Variants in HCN1 observed in about 807,000 individuals in gnomAD.
HCN1 encodes potassium/sodium hyperpolarization-activated cyclic nucleotide-gated channel 1.
A neutral mutation model predicts 78.9 loss-of-function variants in HCN1; 13 were observed. The ratio of observed to expected loss-of-function variants is 0.16; its 90% CI spans 0.11 to 0.26. The LOEUF (loss-of-function observed/expected upper bound fraction) is 0.26, where lower values mean the gene tolerates loss of function less well. Ranked by LOEUF, HCN1 falls within the 10% of genes least tolerant of loss-of-function variation. The pLI is 1.00. For synonymous variants in HCN1, 552 were observed against 455.5 expected, an observed-to-expected ratio of 1.21 and a Z score of -2.70; for missense variants, 810 against 1,154.3, an observed-to-expected ratio of 0.70 and a Z score of 4.32.
intron 1 of HCN1, among the ~76,000 whole-genome samples, chr5:45,663,713 A>C (rs1224670568): frequency 5.3e-4 from 81 of 152,218 alleles, no homozygotes; most frequent in Middle Eastern, 3.4e-3. Flanking sequence ...AAAAATGCTC[A>C]TCATCACTGG....
intron 3 of HCN1, among the ~76,000 whole-genome samples, chr5:45,446,570 T>C (rs1579900519): frequency 6.6e-6 from 1 of 151,988 alleles, no homozygotes; most frequent in African/African-American, 2.4e-5. Flanking sequence ...AGAGCAACTC[T>C]AAGACATATA....
At position 45,442,695 on chromosome 5, in the gene HCN1, A is replaced by G. The variant is rs536451859; in HGVS notation, c.1011+19151T>C. On this transcript the variant is annotated intron_variant, in intron 3 of 7. Coordinates refer to ENST00000303230, the MANE Select transcript of HCN1 (RefSeq NM_021072.4). Reference sequence around the variant, plus strand: ...GGTATCATTAGGCATACATTTCCACATGATAATCATTAGATAAAACTGAGA... The same window carrying G: ...GGTATCATTAGGCATACATTTCCACGTGATAATCATTAGATAAAACTGAGA... Among the ~76,000 whole-genome samples the G allele has an allele frequency of 3.9e-5, 6 of 152,126 alleles. 1 individual carries two copies. The highest frequency in any genetic ancestry group is 1.4e-4 in the African/African-American group (6 of 41,552).
chr5:45,555,114 T>A (rs1207282739), intron 2 of HCN1, among the ~76,000 whole-genome samples: 1 of 151,884 alleles, frequency 6.6e-6, no homozygotes, highest in Non-Finnish European at 1.5e-5. Flanking sequence ...TTATTCTTAT[T>A]TGTAGATTAT....
intron 7 of HCN1, among the ~76,000 whole-genome samples, chr5:45,265,236 T>C (rs1744833938): frequency 1.3e-5 from 2 of 152,060 alleles, no homozygotes. Flanking sequence ...AAAGTGAAGC[T>C]GTATCAGATT....
At chr5:45,369,224 C>T (rs983776077) in intron 4 of HCN1, among the ~76,000 whole-genome samples, 1 of 151,408 alleles carries the variant, frequency 6.6e-6, no homozygotes, top group African/African-American at 2.4e-5. Flanking sequence ...TTTACCTGTT[C>T]ACTTCTATTG....
intron 2 of HCN1, among the ~76,000 whole-genome samples, chr5:45,606,924 C>T (rs1343502392): frequency 4.0e-5 from 6 of 151,760 alleles, no homozygotes. Context: ...GAAAGACAAT[C>T]TTTAAGGCTC....
At chr5:45,343,418 T>C (rs1252582705) in intron 5 of HCN1, among the ~76,000 whole-genome samples, 2 of 152,164 alleles carry the variant, frequency 1.3e-5, no homozygotes, top group African/African-American at 4.8e-5. Context: ...AAATAGTCTA[T>C]GTGAGATGCT....
chr5:45,262,350 TGGCTGAGTCTGCGGC>T lies in HCN1; in HGVS notation c.2229_2243del (p.Pro744_Pro748del). On this transcript the variant is annotated inframe_deletion, in exon 8 of 8. Transcript: ENST00000303230. ...TCTGTGGCTGCGGGGACGGCTGCTG[TGGCTGAGTCTGCGGC>T]GGCTGGGACTGCTGTACCTGCTGCT... 6.2e-7 allele frequency: 1 copy of T among 1,613,062 alleles called. No homozygotes were observed. Among genetic ancestry groups the T allele is most frequent in the Non-Finnish European group, 8.5e-7 (1 of 1,179,808 alleles).
chr5:45,655,763 T>A (rs1421241212), intron 1 of HCN1, among the ~76,000 whole-genome samples: 1 of 152,086 alleles, frequency 6.6e-6, no homozygotes, highest in Non-Finnish European at 1.5e-5. Context: ...GCATGCAACT[T>A]CTAAACAGAG....
chr5:45,379,148 G>T (rs544392000), intron 4 of HCN1, among the ~76,000 whole-genome samples: 6 of 152,166 alleles, frequency 3.9e-5, no homozygotes, highest in Non-Finnish European at 8.8e-5. Flanking sequence ...ATAATGGGAT[G>T]GTTCGGTCAA....
intron 2 of HCN1, among the ~76,000 whole-genome samples, chr5:45,593,372 C>CACA (rs1744424517): frequency 6.9e-6 from 1 of 144,130 alleles, no homozygotes; most frequent in African/African-American, 2.7e-5. Flanking sequence ...ACACACACAC[C>CACA]CCACATGTAA....
chr5:45,334,706 C>T lies in HCN1; in HGVS notation c.1377+18394G>A, dbSNP rs78450727. ...ATAGAATGCAGAGATGCATGGACAACGCTCTAGGCCAAAAGAGTGACACAC... is the reference window on the plus strand; with the variant it reads ...ATAGAATGCAGAGATGCATGGACAATGCTCTAGGCCAAAAGAGTGACACAC... On this transcript the variant is annotated intron_variant, in intron 5 of 7. Coordinates refer to ENST00000303230, the MANE Select transcript of HCN1 (RefSeq NM_021072.4). 9.7e-3 allele frequency among the ~76,000 whole-genome samples: 1,468 copies of T among 152,026 alleles called. 32 individuals carry two copies. The highest frequency in any genetic ancestry group is 0.033 in the African/African-American group (1,381 of 41,508).
Position 45,303,609 on chromosome 5 carries a change from A to C in HCN1, c.1608T>G (p.Ser536=), listed in dbSNP as rs1189706207. The C allele has an allele frequency of 6.2e-7, 1 of 1,613,340 alleles. No homozygotes were observed. The highest frequency in any genetic ancestry group is 8.5e-7 in the Non-Finnish European group (1 of 1,179,592). The change falls in exon 6 of 8, where the codon TCT becomes TCG. Residue 536 remains serine (S), a synonymous_variant. Transcript: ENST00000303230. The part of the protein sequence containing the change: ...SSKEMKLTDG[S]YFGEICLLTK... The stretch of plus-strand genomic sequence containing the variant: ...ATCTTTTTTACTAACCTCCAAAGTA[A>C]GAGCCATCTGTCAGCTTCATTTCTT...
At chr5:45,656,184 A>G (rs1038705416) in intron 1 of HCN1, among the ~76,000 whole-genome samples, 2 of 152,174 alleles carry the variant, frequency 1.3e-5, no homozygotes, top group African/African-American at 4.8e-5. Context: ...CCTTTTAAGT[A>G]AGTTCTGGTA....
chr5:45,266,857 C>G (rs375141869), intron 7 of HCN1, among the ~76,000 whole-genome samples: 3 of 151,904 alleles, frequency 2.0e-5, no homozygotes, highest in Non-Finnish European at 4.4e-5. Context: ...TACAGGTGCA[C>G]GCCACCACAC....
intron 2 of HCN1, among the ~76,000 whole-genome samples, chr5:45,504,600 T>C (rs935547266): frequency 3.9e-5 from 6 of 152,160 alleles, no homozygotes; most frequent in African/African-American, 1.4e-4. Flanking sequence ...TTTATAATCC[T>C]TTGGGTATAT....
intron 5 of HCN1, among the ~76,000 whole-genome samples, chr5:45,338,799 G>A (rs549439427): frequency 2.0e-5 from 3 of 152,116 alleles, no homozygotes; most frequent in East Asian, 1.9e-4. Context: ...ATTTCTCATC[G>A]TTCTTACTAA....
chr5:45,308,530 G>A (rs1745784192), intron 5 of HCN1, among the ~76,000 whole-genome samples: 2 of 151,986 alleles, frequency 1.3e-5, no homozygotes, highest in Non-Finnish European at 2.9e-5. Context: ...TTATATCATA[G>A]TACAGTCTGG....
intron 3 of HCN1, among the ~76,000 whole-genome samples, chr5:45,425,253 T>A (rs1278058688): frequency 1.3e-5 from 2 of 152,200 alleles, no homozygotes; most frequent in Non-Finnish European, 2.9e-5. Context: ...CTCAATTAAG[T>A]ACTTAACACA....
Sources: allele counts gnomAD v4.1 joint callset (sites outside exome capture counted in the v4.1 genomes callset), GRCh38; gene constraint gnomAD v4.1.1; transcripts MANE v1.5; gene names NCBI Gene and HGNC (gene_info 2026-07-23, HGNC 2026-07-21).